GORASP2: variants seen among roughly 807,000 people sequenced by gnomAD.
GORASP2 encodes the protein golgi reassembly stacking protein 2, also known as Golgi reassembly-stacking protein 2.
Under a neutral mutation model 45.7 loss-of-function variants are expected in GORASP2, and 22 were observed. That is an observed-to-expected ratio of 0.48 (90% confidence interval 0.34 to 0.69). The LOEUF (loss-of-function observed/expected upper bound fraction) is 0.69, where lower values mean the gene tolerates loss of function less well. Among genes scored for constraint, GORASP2 ranks in the 30% least tolerant of loss-of-function variants. The probability of loss-of-function intolerance (pLI) is 0.01; values close to 1 mark genes in which losing one functional copy is unlikely to be tolerated. For synonymous variants in GORASP2, 221 were observed against 215.6 expected (o/e 1.02, Z -0.22); for missense variants, 491 against 562.7 (o/e 0.87, Z 1.29).
chr2:170,951,598 A>G (rs767929266), intron 5 of GORASP2, 140 bp downstream of exon 5: 43 of 676,562 alleles, frequency 6.4e-5, no homozygotes, highest in Non-Finnish European at 1.0e-4. Context: ...GAGCTAGTCT[A>G]GAATATTGAA....
chr2:170,949,593 G>A lies in GORASP2; in HGVS notation c.199G>A (p.Val67Ile). 6.2e-7 allele frequency: 1 copy of A among 1,613,812 alleles called. No individual in the cohort carries two copies. Among genetic ancestry groups the A allele is most frequent in the Non-Finnish European group, 8.5e-7 (1 of 1,179,690 alleles). Residue 67 changes from valine (V) to isoleucine (I), a missense_variant, in exon 3 of 10, where the codon GTA (valine) becomes ATA (isoleucine). By Grantham distance (29) the Val-to-Ile change is conservative. Transcript: ENST00000234160. ...GCTGAAAGCAAACGTTGAAAAGCCT[G>A]TAAAGATGCTTATCTATAGCAGCAA... ...DLLKANVEKP[V>I]KMLIYSSKTL...
At chr2:170,930,937 C>T (rs1165024984) in intron 1 of GORASP2, among the ~76,000 whole-genome samples, 1 of 144,592 alleles carries the variant, frequency 6.9e-6, no homozygotes, top group Non-Finnish European at 1.5e-5. Flanking sequence ...TACATGCACT[C>T]AGGGAAACTC....
chr2:170,938,555 T>TG, intron 1 of GORASP2, among the ~76,000 whole-genome samples: 1 of 152,244 alleles, frequency 6.6e-6, no homozygotes, highest in Non-Finnish European at 1.5e-5. Flanking sequence ...CACACATTAA[T>TG]TAAAATGGCT....
chr2:170,952,462 C>A (rs1484362303), intron 5 of GORASP2, among the ~76,000 whole-genome samples: 1 of 152,094 alleles, frequency 6.6e-6, no homozygotes, highest in Admixed American at 6.6e-5. Flanking sequence ...AGAGGCTGAC[C>A]ACATTTCATT....
At chr2:170,956,661 A>C in intron 7 of GORASP2, 102 bp downstream of exon 7, 1 of 1,011,222 alleles carries the variant, frequency 9.9e-7, no homozygotes, top group South Asian at 1.7e-5. Flanking sequence ...CTGTAATCCC[A>C]GCACTTTGGG....
intron 1 of GORASP2, among the ~76,000 whole-genome samples, chr2:170,935,315 C>T (rs113712329): frequency 7.9e-5 from 12 of 151,336 alleles, no homozygotes; most frequent in Non-Finnish European, 1.0e-4. Flanking sequence ...AGTGCAGTGG[C>T]GCGATCTCAG....
intron 7 of GORASP2, among the ~76,000 whole-genome samples, 155 bp downstream of exon 7, chr2:170,956,714 C>G (rs1306608171): frequency 6.6e-6 from 1 of 151,842 alleles, no homozygotes; most frequent in South Asian, 2.1e-4. Context: ...TCTAAACCAG[C>G]ATGGGCAATA....
rs11396289 is a variant in GORASP2 at position 170,945,501 on chromosome 2, C to CAAA, written c.64-2837_64-2835dup. On this transcript the variant is annotated intron_variant, in intron 1 of 9. Coordinates refer to ENST00000234160, the MANE Select transcript of GORASP2 (RefSeq NM_015530.5). ...TGAGTGACAGAGTGGGACCTTGTCT[C>CAAA]AAAAAAAAAAAAAAGAAGAAGAAGA... 8.0e-5 allele frequency among the ~76,000 whole-genome samples: 10 copies of CAAA among 125,116 alleles called. No homozygotes were observed. The East Asian group carries it at 9.6e-4, about 12-fold the overall frequency. The allele number at this position is 125,116 out of a possible 152,430, so 82.1% of individuals were successfully genotyped here.
In GORASP2 at chr2:170,945,371, C is replaced by T. The variant is rs570022941; in HGVS notation, c.64-2979C>T. On this transcript the variant is annotated intron_variant, in intron 1 of 9. Transcript: ENST00000234160. ...TAAAAATCAGCTGCGTGTGGTGGTG[C>T]GCTAGAAAAAATTTAAAAATTAGCT... Among the ~76,000 whole-genome samples, 18 of 151,670 alleles carry T rather than the reference C, an allele frequency of 1.2e-4. No homozygotes were observed. In the East Asian group the frequency reaches 3.3e-3, roughly 28 times the overall value.
At chr2:170,936,520 CTAAGTAGT>C in intron 1 of GORASP2, 1 of 586,566 alleles carries the variant, frequency 1.7e-6, no homozygotes, top group Non-Finnish European at 2.8e-6. Context: ...ACACCTAGTC[CTAAGTAGT>C]TACTTTGAGA....
intron 5 of GORASP2, 80 bp downstream of exon 5, chr2:170,951,538 T>C: frequency 9.1e-7 from 1 of 1,103,260 alleles, no homozygotes; most frequent in South Asian, 1.6e-5. Flanking sequence ...TGTTTTTATT[T>C]TGAAAGAAAT....
intron 6 of GORASP2, 94 bp from the exon 7 acceptor site, chr2:170,956,342 A>G (rs1704427461): frequency 1.8e-6 from 2 of 1,130,222 alleles, no homozygotes; most frequent in Admixed American, 2.5e-5. Flanking sequence ...GTGTGAACCA[A>G]ATATCTATCT....
chr2:170,936,855 C>CCTG, intron 1 of GORASP2: 1 of 265,450 alleles, frequency 3.8e-6, no homozygotes, highest in Non-Finnish European at 8.0e-6. Context: ...CACCACTGCA[C>CCTG]TCCAGCCTGG....
In GORASP2 at chr2:170,966,174, G is replaced by T. The variant is rs1456949516; in HGVS notation, c.*44G>T. 7.3e-7 allele frequency: 1 copy of T among 1,370,588 alleles called. No individual in the cohort carries two copies. Among genetic ancestry groups the T allele is most frequent in the East Asian group, 2.3e-5 (1 of 43,780 alleles). 84.9% of individuals were successfully genotyped at this position (1,370,588 alleles called of 1,614,324 possible). On this transcript the variant is annotated 3_prime_UTR_variant, in exon 10 of 10. Coordinates refer to ENST00000234160, the MANE Select transcript of GORASP2 (RefSeq NM_015530.5). ...AATTGGCGTGGTATATTTAACCACG[G>T]GAGCGTGTCTGGAAACGCAAACTAT...
intron 1 of GORASP2, among the ~76,000 whole-genome samples, chr2:170,943,152 C>T (rs771619198): frequency 3.3e-5 from 5 of 152,136 alleles, no homozygotes; most frequent in Non-Finnish European, 7.4e-5. Context: ...CAAAGATATT[C>T]TCTTATGTTT....
At chr2:170,956,854 C>T (rs1486664327) in intron 7 of GORASP2, among the ~76,000 whole-genome samples, 1 of 152,130 alleles carries the variant, frequency 6.6e-6, no homozygotes, top group Admixed American at 6.5e-5. Context: ...GTTGTGGCAG[C>T]AGTGAGCCGT....
At chr2:170,950,664 G>A (rs1489544278) in intron 4 of GORASP2, among the ~76,000 whole-genome samples, 5 of 152,216 alleles carry the variant, frequency 3.3e-5, no homozygotes, top group East Asian at 1.9e-4. Context: ...CTTAGCTAGC[G>A]GAAGTATACA....
At chr2:170,949,099 T>G (rs1272103055) in intron 2 of GORASP2, among the ~76,000 whole-genome samples, 4 of 152,214 alleles carry the variant, frequency 2.6e-5, no homozygotes, top group African/African-American at 9.6e-5. Context: ...ATATTTAATA[T>G]GCTGTTTCTA....
Position 170,951,391 on chromosome 2 carries a change from AAC to A in GORASP2, c.503_504del (p.Thr168ArgfsTer3). 1 of 1,606,786 alleles carries A rather than the reference AAC, an allele frequency of 6.2e-7. No homozygotes were observed. Among genetic ancestry groups the A allele is most frequent in the South Asian group, 1.1e-5 (1 of 90,754 alleles). ...EAKPLKLYVY[N>X]TDTDNCREVI... ...AAAACCATTGAAACTGTATGTGTAC[AAC>A]ACAGACACTGATAACTGTCGAGAAG... On this transcript the variant is annotated frameshift_variant, in exon 5 of 10. Coordinates refer to ENST00000234160, the MANE Select transcript of GORASP2 (RefSeq NM_015530.5). LOFTEE classifies it high-confidence loss of function.
Sources: gnomAD v4.1 joint callset for allele counts (sites outside exome capture counted in the v4.1 genomes callset) on GRCh38, gnomAD v4.1.1 for gene constraint, MANE v1.5 for transcripts, NCBI Gene and HGNC (gene_info 2026-07-23, HGNC 2026-07-21) for gene names.